Variants in LRRC37A2 observed in about 807,000 individuals in gnomAD.
LRRC37A2 encodes the protein leucine-rich repeat-containing protein 37A2.
A neutral mutation model predicts 68.8 loss-of-function variants in LRRC37A2; 9 were observed. The ratio of observed to expected loss-of-function variants is 0.13; its 90% CI spans 0.08 to 0.23. The LOEUF (loss-of-function observed/expected upper bound fraction) is 0.23. LRRC37A2 is among the 10% of genes least tolerant of loss of function. The pLI is 1.00. For synonymous variants in LRRC37A2, 63 were observed against 367.6 expected (o/e 0.17, Z 9.48); for missense variants, 168 against 950.4 (o/e 0.18, Z 10.82).
chr17:46,870,909 T>C, the LRRC37A2 span, among the ~76,000 whole-genome samples: 3 of 146,300 alleles, frequency 2.1e-5, no homozygotes, highest in African/African-American at 7.6e-5. Context: ...CTTTGCTTTT[T>C]TTTTTTTTTT....
the LRRC37A2 span, among the ~76,000 whole-genome samples, chr17:46,488,684 G>A: frequency 7.2e-6 from 1 of 138,954 alleles, no homozygotes; most frequent in African/African-American, 2.8e-5. Flanking sequence ...CAGCCTGGGT[G>A]ACAGAACGAG....
chr17:46,802,815 C>T, the LRRC37A2 span, among the ~76,000 whole-genome samples: 2 of 152,188 alleles, frequency 1.3e-5, no homozygotes, highest in Non-Finnish European at 2.9e-5. Context: ...TCCCATACCT[C>T]GCCCTATGCA....
At chr17:46,583,775 G>C in the LRRC37A2 span, among the ~76,000 whole-genome samples, 2 of 70,178 alleles carry the variant, frequency 2.8e-5, no homozygotes, top group Admixed American at 2.9e-4. Flanking sequence ...AGTCAGTCCT[G>C]CTTAGGAATG....
At chr17:46,983,784 C>G in the LRRC37A2 span, among the ~76,000 whole-genome samples, 1 of 152,196 alleles carries the variant, frequency 6.6e-6, no homozygotes, top group Non-Finnish European at 1.5e-5. Context: ...CTATAAGCAG[C>G]TTAGGTGGGT....
At chr17:46,847,967 A>AGTGAGTGTGTGT in the LRRC37A2 span, among the ~76,000 whole-genome samples, 1 of 149,584 alleles carries the variant, frequency 6.7e-6, no homozygotes, top group African/African-American at 2.5e-5. Context: ...TGATTTCCAA[A>AGTGAGTGTGTGT]GTGTGTGTGT....
chr17:46,724,437 G>A, the LRRC37A2 span, among the ~76,000 whole-genome samples: 4 of 152,180 alleles, frequency 2.6e-5, no homozygotes, highest in Non-Finnish European at 5.9e-5. Flanking sequence ...CTGATTCCAT[G>A]ATAGCCAAGG....
the LRRC37A2 span, among the ~76,000 whole-genome samples, chr17:46,736,040 T>A: frequency 6.6e-6 from 1 of 152,082 alleles, no homozygotes; most frequent in African/African-American, 2.4e-5. Context: ...ATAGAGGAAG[T>A]TTCCATAGGA....
the LRRC37A2 span, among the ~76,000 whole-genome samples, chr17:46,782,484 C>T: frequency 6.6e-6 from 1 of 152,186 alleles, no homozygotes; most frequent in African/African-American, 2.4e-5. Flanking sequence ...GCTCCACCCT[C>T]CACGGAAACT....
intron 8 of LRRC37A2, among the ~76,000 whole-genome samples, chr17:46,543,612 A>C (rs2055813384): frequency 6.6e-6 from 1 of 150,824 alleles, no homozygotes; most frequent in Non-Finnish European, 1.5e-5. Context: ...TCAATGGTGA[A>C]GGGTCATTAT....
chr17:46,438,252 T>G, the LRRC37A2 span, among the ~76,000 whole-genome samples: 2 of 54,624 alleles, frequency 3.7e-5, no homozygotes, highest in African/African-American at 1.1e-4. Context: ...TGGGATACTG[T>G]GTCAGACCAA....
chr17:47,029,654 T>A, the LRRC37A2 span, among the ~76,000 whole-genome samples: 1 of 152,192 alleles, frequency 6.6e-6, no homozygotes, highest in Non-Finnish European at 1.5e-5. Context: ...GTTTTTCTTT[T>A]TCCCTCACAC....
At chr17:46,895,736 A>G in the LRRC37A2 span, among the ~76,000 whole-genome samples, 1 of 152,332 alleles carries the variant, frequency 6.6e-6, no homozygotes, top group East Asian at 1.9e-4. Context: ...GCAGAGAAGC[A>G]GCTTCCCCAC....
the LRRC37A2 span, among the ~76,000 whole-genome samples, chr17:46,775,183 TACA>T: frequency 2.0e-5 from 3 of 152,228 alleles, no homozygotes; most frequent in Admixed American, 6.5e-5. Context: ...GCACTTTATA[TACA>T]ACATTTCTGA....
the LRRC37A2 span, among the ~76,000 whole-genome samples, chr17:46,815,812 T>C: frequency 1.3e-5 from 2 of 152,124 alleles, no homozygotes; most frequent in African/African-American, 4.8e-5. Context: ...TGTGAGACTT[T>C]TGCTTCCTGT....
At chr17:46,979,845 G>A in the LRRC37A2 span, among the ~76,000 whole-genome samples, 1 of 146,254 alleles carries the variant, frequency 6.8e-6, no homozygotes, top group Non-Finnish European at 1.5e-5. Flanking sequence ...TAGAAAACAT[G>A]AATTACCGAA....
At chr17:46,970,742 A>T in the LRRC37A2 span, among the ~76,000 whole-genome samples, 1 of 152,176 alleles carries the variant, frequency 6.6e-6, no homozygotes, top group East Asian at 1.9e-4. Context: ...GGGATCAGTG[A>T]TGTTTGCATA....
At chr17:46,827,059 G>A in the LRRC37A2 span, among the ~76,000 whole-genome samples, 2 of 152,194 alleles carry the variant, frequency 1.3e-5, no homozygotes, top group Non-Finnish European at 2.9e-5. Flanking sequence ...TTACAGGCAT[G>A]AGCCACCATG....
At chr17:46,806,741 C>T in the LRRC37A2 span, among the ~76,000 whole-genome samples, 1 of 152,224 alleles carries the variant, frequency 6.6e-6, no homozygotes, top group Non-Finnish European at 1.5e-5. Context: ...ATGTGTTGCC[C>T]AAGGGCAGAA....
the LRRC37A2 span, among the ~76,000 whole-genome samples, chr17:46,839,829 A>T: frequency 6.6e-6 from 1 of 152,134 alleles, no homozygotes. Flanking sequence ...TTCCAGCTTC[A>T]TCCGTGTCCC....
Sources: gnomAD v4.1 joint callset for allele counts (sites outside exome capture counted in the v4.1 genomes callset) on GRCh38, gnomAD v4.1.1 for gene constraint, MANE v1.5 for transcripts, NCBI Gene and HGNC (gene_info 2026-07-23, HGNC 2026-07-21) for gene names.